Variants in CYP39A1 observed in about 807,000 individuals in gnomAD.
CYP39A1 encodes the protein 24-hydroxycholesterol 7-alpha-hydroxylase.
A neutral mutation model predicts 58.1 loss-of-function variants in CYP39A1; 49 were observed. That is an observed-to-expected ratio of 0.84 (90% CI 0.67 to 1.07). The LOEUF is 1.07. Among genes scored for constraint, CYP39A1 ranks in the 50% least tolerant of loss-of-function variants. CYP39A1 has a pLI of 0.00. For synonymous variants in CYP39A1, 209 were observed against 187.6 expected (o/e 1.11, Z -0.93); for missense variants, 531 against 539.4 (o/e 0.98, Z 0.16).
intron 1 of CYP39A1, among the ~76,000 whole-genome samples, chr6:46,643,400 G>C (rs188859817): frequency 6.6e-6 from 1 of 152,224 alleles, no homozygotes; most frequent in East Asian, 1.9e-4. Context: ...CACAGTGTTG[G>C]GTGCTACTAG....
chr6:46,642,401 A>C, intron 1 of CYP39A1, 103 bp from the exon 2 acceptor site: 1 of 1,101,916 alleles, frequency 9.1e-7, no homozygotes, highest in Non-Finnish European at 1.3e-6. Context: ...TCAAAAGAAA[A>C]ATTATTATGA....
intron 2 of CYP39A1, among the ~76,000 whole-genome samples, chr6:46,641,951 T>C (rs146822592): frequency 9.8e-5 from 15 of 152,294 alleles, no homozygotes; most frequent in Non-Finnish European, 1.9e-4. Context: ...ACGTGTCTAA[T>C]TCAAATCTAA....
At position 46,549,594 on chromosome 6, in the gene CYP39A1, C is replaced by T. The variant is rs1770286174; in HGVS notation, c.*772G>A. The T allele has an allele frequency of 2.0e-5, 3 of 152,012 alleles. No homozygotes were observed. The highest frequency in any genetic ancestry group is 4.8e-5 in the African/African-American group (2 of 41,400). The allele number at this position is 152,012 out of a possible 1,614,324, so 9.4% of individuals were successfully genotyped here. On this transcript the variant is annotated 3_prime_UTR_variant, in exon 12 of 12. Coordinates refer to ENST00000275016, the MANE Select transcript of CYP39A1 (RefSeq NM_016593.5). ...ACTACAGTTACTTGTCTTGGCATACCGTTATATTTGTGTTTCTATGCATTA... is the reference window on the plus strand; with the variant it reads ...ACTACAGTTACTTGTCTTGGCATACTGTTATATTTGTGTTTCTATGCATTA...
intron 6 of CYP39A1, among the ~76,000 whole-genome samples, chr6:46,628,780 C>T (rs115993944): frequency 0.017 from 2,516 of 152,300 alleles, 29 homozygotes; most frequent in Middle Eastern, 0.041. Context: ...GATATTCCCA[C>T]TCTGGGGCCT....
chr6:46,623,741 G>A (rs1027939602), intron 7 of CYP39A1, among the ~76,000 whole-genome samples: 17 of 151,932 alleles, frequency 1.1e-4, no homozygotes, highest in African/African-American at 4.1e-4. Flanking sequence ...TCCTTTGTAT[G>A]GACACATGGA....
chr6:46,602,812 A>G (rs1773594058), intron 7 of CYP39A1, among the ~76,000 whole-genome samples: 2 of 150,896 alleles, frequency 1.3e-5, no homozygotes, highest in South Asian at 4.2e-4. Context: ...TTTTTAAATT[A>G]TCTTTTCTAT....
intron 7 of CYP39A1, among the ~76,000 whole-genome samples, chr6:46,612,202 A>C (rs1774258080): frequency 6.6e-6 from 1 of 152,220 alleles, no homozygotes; most frequent in Non-Finnish European, 1.5e-5. Context: ...CTCTTGAGCT[A>C]GGGTATCACA....
rs76398212 is a variant in CYP39A1, at chr6:46,614,180, T to C, written c.931+11238A>G. Among the ~76,000 whole-genome samples, 629 of 152,230 alleles carry C rather than the reference T, an allele frequency of 4.1e-3. 5 individuals are homozygous for C. The highest frequency in any genetic ancestry group is 0.014 in the African/African-American group (598 of 41,534). On this transcript the variant is annotated intron_variant, in intron 7 of 11. Transcript: ENST00000275016. ...TGTGGATACAATAATATTCACCATATTGAGAATACATAAAACTCTACAGGA... is the reference window on the plus strand; with the variant it reads ...TGTGGATACAATAATATTCACCATACTGAGAATACATAAAACTCTACAGGA...
At chr6:46,574,266 T>A (rs1377784558) in intron 10 of CYP39A1, among the ~76,000 whole-genome samples, 3 of 152,206 alleles carry the variant, frequency 2.0e-5, no homozygotes, top group Non-Finnish European at 4.4e-5. Flanking sequence ...GAGGTCTCAA[T>A]AGAAACCCTA....
chr6:46,550,484 C>T (rs1582273605), intron 11 of CYP39A1, 47 bp from the exon 12 acceptor site: 1 of 1,546,018 alleles, frequency 6.5e-7, no homozygotes, highest in Middle Eastern at 1.7e-4. Flanking sequence ...GACATAAGTC[C>T]ACAGTTTCAG....
chr6:46,566,033 G>C (rs1290441847), intron 10 of CYP39A1, among the ~76,000 whole-genome samples: 1 of 152,160 alleles, frequency 6.6e-6, no homozygotes, highest in Admixed American at 6.6e-5. Context: ...GAGCAGATGG[G>C]ACAGCAAGAA....
intron 1 of CYP39A1, 100 bp from the exon 2 acceptor site, chr6:46,642,398 A>G: frequency 8.8e-7 from 1 of 1,137,310 alleles, no homozygotes; most frequent in South Asian, 1.6e-5. Flanking sequence ...TAGTCAAAAG[A>G]AAAATTATTA....
chr6:46,606,334 C>A (rs1290279868), intron 7 of CYP39A1, among the ~76,000 whole-genome samples: 2 of 152,024 alleles, frequency 1.3e-5, no homozygotes, highest in Admixed American at 6.6e-5. Flanking sequence ...ATGTAGCATT[C>A]TTGGACCATA....
intron 8 of CYP39A1, among the ~76,000 whole-genome samples, chr6:46,593,789 T>C (rs1326883640): frequency 6.6e-6 from 1 of 152,192 alleles, no homozygotes; most frequent in Non-Finnish European, 1.5e-5. Context: ...TGTTATGCCA[T>C]ATTGATTCAC....
intron 10 of CYP39A1, chr6:46,583,266 A>C (rs1039822471): frequency 1.8e-5 from 18 of 985,244 alleles, no homozygotes; most frequent in Middle Eastern, 5.2e-4. Flanking sequence ...CTGGAGTTTA[A>C]GCCATATCAA....
Position 46,563,631 on chromosome 6 carries a change from G to A in CYP39A1, c.1251-9777C>T, listed in dbSNP as rs189031115. On this transcript the variant is annotated intron_variant, in intron 10 of 11. Transcript: ENST00000275016. The stretch of plus-strand genomic sequence containing the variant: ...GGTAGAAACAAGGGAAACAAAATTT[G>A]GAGTCTGGAGAGCACTCTACAACCT... 4.5e-3 allele frequency among the ~76,000 whole-genome samples: 684 copies of A among 152,254 alleles called. 3 individuals carry two copies. Among genetic ancestry groups the A allele is most frequent in the Non-Finnish European group, 6.4e-3 (438 of 68,018 alleles).
At chr6:46,558,291 C>T (rs1386500941) in intron 10 of CYP39A1, among the ~76,000 whole-genome samples, 1 of 152,128 alleles carries the variant, frequency 6.6e-6, no homozygotes, top group Non-Finnish European at 1.5e-5. Flanking sequence ...CACAGTTCTG[C>T]AGGCTTAACA....
intron 10 of CYP39A1, among the ~76,000 whole-genome samples, chr6:46,557,906 A>G (rs1319115176): frequency 7.0e-6 from 1 of 142,850 alleles, no homozygotes; most frequent in Non-Finnish European, 1.5e-5. Flanking sequence ...ACTGCATTCC[A>G]GCCTGGGAGA....
rs77361556 is a variant in CYP39A1 at position 46,605,536 on chromosome 6, G to A, written c.932-9416C>T. 8.4e-3 allele frequency among the ~76,000 whole-genome samples: 1,273 copies of A among 152,264 alleles called. 40 individuals carry two copies. The highest frequency in any genetic ancestry group is 0.07 in the Admixed American group (1,072 of 15,294). ...TAAAGAGCTGGAGGATGTCCAGTGA[G>A]GCAATGCAATGCAGAAAACGTGGCA... On this transcript the variant is annotated intron_variant, in intron 7 of 11. Coordinates refer to ENST00000275016, the MANE Select transcript of CYP39A1 (RefSeq NM_016593.5).
Sources: allele counts gnomAD v4.1 joint callset (sites outside exome capture counted in the v4.1 genomes callset), GRCh38; gene constraint gnomAD v4.1.1; transcripts MANE v1.5; gene names NCBI Gene and HGNC (gene_info 2026-07-23, HGNC 2026-07-21).